Variants in KANK2 observed in about 807,000 individuals in gnomAD.
KANK2 encodes the protein KN motif and ankyrin repeat domain-containing protein 2.
Under a neutral mutation model 74.6 loss-of-function variants are expected in KANK2, and 41 were observed. That is an observed-to-expected ratio of 0.55 (90% CI 0.43 to 0.71). The LOEUF is 0.71. KANK2 is among the 30% of genes least tolerant of loss of function. The probability of loss-of-function intolerance (pLI) is 0.00; values close to 1 mark genes in which losing one functional copy is unlikely to be tolerated. For synonymous variants in KANK2, 537 were observed against 519.0 expected, an observed-to-expected ratio of 1.03 and a Z score of -0.47; for missense variants, 1,148 against 1,196.4, an observed-to-expected ratio of 0.96 and a Z score of 0.60.
At chr19:11,178,850 GC>G in intron 4 of KANK2, 130 bp from the exon 5 acceptor site, 1 of 769,166 alleles carries the variant, frequency 1.3e-6, no homozygotes, top group African/African-American at 1.8e-5. Flanking sequence ...CAGTCTTCCT[GC>G]CCCTTGGAGG....
chr19:11,167,856 C>G (rs919393244), intron 12 of KANK2, among the ~76,000 whole-genome samples: 5 of 151,832 alleles, frequency 3.3e-5, no homozygotes, highest in Non-Finnish European at 7.4e-5. Context: ...GTCAGACACA[C>G]CCCTGCCTCA....
At position 11,176,675 on chromosome 19, in the gene KANK2, C is replaced by T; in HGVS notation, c.1663G>A (p.Ala555Thr). The T allele has an allele frequency of 6.2e-7, 1 of 1,613,632 alleles. No individual in the cohort carries two copies. The change falls in exon 7 of 13, where the codon GCC becomes ACC. Residue 555 changes from alanine to threonine, a missense_variant. Transcript: ENST00000586659. ...PQLRPAGTAA[A>T]KTSRQECQLS... ...TGACACTCCTGCCGGCTGGTCTTGG[C>T]CGCTGCCGTCCCTGCAGGCCTGAGC...
In KANK2 at chr19:11,164,466, G is replaced by A. The variant is rs1260568842; in HGVS notation, c.*2092C>T. ...CAGTATCCCACGGAGAGAAGGAAGT[G>A]TAGAGAGATGCGTGGACCCATCTCA... On this transcript the variant is annotated 3_prime_UTR_variant, in exon 13 of 13. Coordinates refer to ENST00000586659, the MANE Select transcript of KANK2 (RefSeq NM_001136191.3). 1 of 152,168 alleles carries A rather than the reference G, an allele frequency of 6.6e-6. No homozygotes were observed. The highest frequency in any genetic ancestry group is 1.9e-4 in the East Asian group (1 of 5,184). The allele number at this position is 152,168 out of a possible 1,614,324, so 9.4% of individuals were successfully genotyped here.
At chr19:11,192,760 G>A (rs549735891) in intron 4 of KANK2, 71 bp downstream of exon 4, 2 of 1,568,984 alleles carry the variant, frequency 1.3e-6, no homozygotes, top group Non-Finnish European at 1.7e-6. Context: ...TGAGAGTCCA[G>A]GATGAGCCAT....
chr19:11,194,009 G>A lies in KANK2; in HGVS notation c.71C>T (p.Pro24Leu). Residue 24 changes from proline to leucine, a missense_variant, in exon 4 of 13, where the codon CCT becomes CTT. Pro to Leu is a moderately conservative substitution (Grantham distance 98). Coordinates refer to ENST00000586659, the MANE Select transcript of KANK2 (RefSeq NM_001136191.3). ...TPGPASPPAFPAKDPDPPYSV... is the reference protein window; with the variant it reads ...TPGPASPPAFLAKDPDPPYSV... ...GTAGGGTGGATCGGGGTCCTTGGCA[G>A]GGAAGGCAGGTGGGGAGGCTGGGCC... 2 of 1,611,770 alleles carry A rather than the reference G, an allele frequency of 1.2e-6. No individual in the cohort carries two copies. The highest frequency in any genetic ancestry group is 1.7e-6 in the Non-Finnish European group (2 of 1,178,484).
intron 3 of KANK2, 145 bp downstream of exon 3, chr19:11,194,330 G>C (rs2147635481): frequency 1.4e-6 from 1 of 694,110 alleles, no homozygotes; most frequent in Non-Finnish European, 2.4e-6. Context: ...GACCCTCCCA[G>C]GGCAGGACTC....
chr19:11,182,840 CAAAAAAAA>C (rs36229477), intron 4 of KANK2, among the ~76,000 whole-genome samples: 2,043 of 62,988 alleles, frequency 0.032, 62 homozygotes, highest in African/African-American at 0.1. Context: ...CAGACTGCCT[CAAAAAAAA>C]AAAAAAAAAA....
chr19:11,167,266 T>C (rs535275579), intron 12 of KANK2, among the ~76,000 whole-genome samples: 1 of 152,190 alleles, frequency 6.6e-6, no homozygotes, highest in Non-Finnish European at 1.5e-5. Flanking sequence ...GGTTTCTCCA[T>C]GTTGGTCAGT....
At chr19:11,181,363 C>T (rs1394108714) in intron 4 of KANK2, among the ~76,000 whole-genome samples, 1 of 151,762 alleles carries the variant, frequency 6.6e-6, no homozygotes, top group Non-Finnish European at 1.5e-5. Flanking sequence ...TCTCCTGCCT[C>T]AGCCTCCTGA....
chr19:11,175,524 G>A (rs1378652587), intron 8 of KANK2, among the ~76,000 whole-genome samples: 3 of 149,608 alleles, frequency 2.0e-5, no homozygotes, highest in South Asian at 2.1e-4. Flanking sequence ...GGCCTCAAGC[G>A]ATCCTCCTGC....
At position 11,170,652 on chromosome 19, in the gene KANK2, C is replaced by T. The variant is rs753156629; in HGVS notation, c.2212-404G>A. Among the ~76,000 whole-genome samples, 3 of 152,162 alleles carry T rather than the reference C, an allele frequency of 2.0e-5. No individual in the cohort carries two copies. The highest frequency in any genetic ancestry group is 2.9e-5 in the Non-Finnish European group (2 of 68,022). On this transcript the variant is annotated intron_variant, in intron 10 of 12. Coordinates refer to ENST00000586659, the MANE Select transcript of KANK2 (RefSeq NM_001136191.3). This position sits in a 1 kb window ranked among gnomAD's most constrained non-coding sequence, Gnocchi z 5.2. Reference sequence around the variant, plus strand: ...TTGCCCAGGTTGGCGTGCAGTGGCACGATCGCAGCTCACTGCAGCCTCAAC... The same window carrying T: ...TTGCCCAGGTTGGCGTGCAGTGGCATGATCGCAGCTCACTGCAGCCTCAAC...
At position 11,174,615 on chromosome 19, in the gene KANK2, C is replaced by A. The variant is rs1286378917; in HGVS notation, c.1926G>T (p.Arg642=). The A allele has an allele frequency of 6.2e-7, 1 of 1,612,596 alleles. No individual in the cohort carries two copies. The highest frequency in any genetic ancestry group is 2.2e-5 in the East Asian group (1 of 44,874). The change falls in exon 9 of 13, where the codon CGG becomes CGT. Residue 642 remains arginine (R), a synonymous_variant. Coordinates refer to ENST00000586659, the MANE Select transcript of KANK2 (RefSeq NM_001136191.3). ...CRSDAHPELV[R]RHLVTFRAMS... ...TGGCCCGGAACGTGACCAGGTGCCG[C>A]CGCACCAGCTCGGGGTGTGCGTCGC...
rs149821111 is a variant in KANK2 at position 11,174,518 on chromosome 19, C to T, written c.2023G>A (p.Val675Met). 17 of 1,613,348 alleles carry T rather than the reference C, an allele frequency of 1.1e-5. No homozygotes were observed. Among genetic ancestry groups the T allele is most frequent in the East Asian group, 6.7e-5 (3 of 44,872 alleles). Reference protein sequence around the residue: ...SNGNTALHYSVSHANFPVVQQ... With the variant: ...SNGNTALHYSMSHANFPVVQQ... ...ACCACGGGGAAGTTGGCATGAGACACGGAGTAGTGCAGGGCTGTGTTGCCG... is the reference window on the plus strand; with the variant it reads ...ACCACGGGGAAGTTGGCATGAGACATGGAGTAGTGCAGGGCTGTGTTGCCG... The change falls in exon 9 of 13, where the codon GTG (valine) becomes ATG (methionine). Residue 675 changes from valine (V) to methionine (M), a missense_variant. Val to Met is a conservative substitution (Grantham distance 21, BLOSUM62 1). Coordinates refer to ENST00000586659, the MANE Select transcript of KANK2 (RefSeq NM_001136191.3).
chr19:11,169,095 TG>T (rs1167526768), intron 12 of KANK2, among the ~76,000 whole-genome samples: 1 of 152,114 alleles, frequency 6.6e-6, no homozygotes, highest in African/African-American at 2.4e-5. Context: ...CCCAGCACTT[TG>T]GGAGGCAGAG....
At position 11,189,113 on chromosome 19, in the gene KANK2, G is replaced by A. The variant is rs570397192; in HGVS notation, c.1249+3718C>T. ...ATTGATTCTCTCCCCCCCCACCCCC[G>A]CCCACAAGATTGGTCTTGCTCAGGC... On this transcript the variant is annotated intron_variant, in intron 4 of 12. Coordinates refer to ENST00000586659, the MANE Select transcript of KANK2 (RefSeq NM_001136191.3). Among the ~76,000 whole-genome samples, 52 of 69,516 alleles carry A rather than the reference G, an allele frequency of 7.5e-4. No homozygotes were observed. The South Asian group carries it at 0.019, about 25-fold the overall frequency. The allele number at this position is 69,516 out of a possible 152,430, so 45.6% of individuals were successfully genotyped here.
rs1335821999 is a variant in KANK2, at chr19:11,165,355, CCT to C, written c.*1201_*1202del. 6.6e-6 allele frequency: 1 copy of C among 152,156 alleles called. No homozygotes were observed. The highest frequency in any genetic ancestry group is 1.5e-5 in the Non-Finnish European group (1 of 68,054). The allele number at this position is 152,156 out of a possible 1,614,324, so 9.4% of individuals were successfully genotyped here. ...CTGCGTTTTGCCAACAAGCGCATGC[CCT>C]GTTTTCTTTCCTTTGAGGAGAGAAA... On this transcript the variant is annotated 3_prime_UTR_variant, in exon 13 of 13. Coordinates refer to ENST00000586659, the MANE Select transcript of KANK2 (RefSeq NM_001136191.3).
intron 12 of KANK2, among the ~76,000 whole-genome samples, chr19:11,169,257 G>A (rs550518103): frequency 1.3e-5 from 2 of 152,242 alleles, no homozygotes; most frequent in South Asian, 4.2e-4. Flanking sequence ...AGAATTGCTC[G>A]AACCTGGGAG....
At position 11,180,399 on chromosome 19, in the gene KANK2, AT is replaced by A. The variant is rs555980942; in HGVS notation, c.1250-1680del. Among the ~76,000 whole-genome samples, 640 of 147,160 alleles carry A rather than the reference AT, an allele frequency of 4.3e-3. 2 individuals are homozygous for A. Among genetic ancestry groups the A allele is most frequent in the Non-Finnish European group, 7.1e-3 (473 of 66,288 alleles). ...CATGAGCCACTATGCCCAGCCTTAA[AT>A]TTTTTTTTTTTGCCATATACAGTGA... On this transcript the variant is annotated intron_variant, in intron 4 of 12. Transcript: ENST00000586659.
rs780581324 is a variant in KANK2 at position 11,178,407 on chromosome 19, T to C, written c.1458A>G (p.Lys486=). ...PAGVRSIMKR[K]EEVADPTAHR... ...GGGCCGTGGGGTCTGCAACCTCCTC[T>C]TTCCGTTTCATGATAGATCGCACGC... The change falls in exon 6 of 13, where the codon AAA becomes AAG. Residue 486 remains lysine, a synonymous_variant. Transcript: ENST00000586659. 1.9e-6 allele frequency: 3 copies of C among 1,580,456 alleles called. No homozygotes were observed. Among genetic ancestry groups the C allele is most frequent in the East Asian group, 2.4e-5 (1 of 42,500 alleles).
Sources: allele counts gnomAD v4.1 joint callset (sites outside exome capture counted in the v4.1 genomes callset), GRCh38; gene constraint gnomAD v4.1.1; non-coding constraint Gnocchi (gnomAD v3.1); transcripts MANE v1.5; gene names NCBI Gene and HGNC (gene_info 2026-07-23, HGNC 2026-07-21).